The following MTHFS variants were observed in gnomAD, a reference collection of about 807,000 sequenced individuals.
MTHFS encodes 5-formyltetrahydrofolate cyclo-ligase.
MTHFS carries 7 observed loss-of-function variants against 12.7 expected under a neutral mutation model. That is an observed-to-expected ratio of 0.55 (90% confidence interval 0.31 to 1.03). The LOEUF (loss-of-function observed/expected upper bound fraction) is 1.03. Ranked by LOEUF, MTHFS falls within the 50% of genes least tolerant of loss-of-function variation. The pLI, the probability that MTHFS is intolerant of heterozygous loss-of-function variation, is 0.05. For synonymous variants in MTHFS, 100 were observed against 97.1 expected, an observed-to-expected ratio of 1.03 and a Z score of -0.18; for missense variants, 252 against 258.1, an observed-to-expected ratio of 0.98 and a Z score of 0.16.
chr15:79,893,514 C>T (rs1596084784), intron 1 of MTHFS, among the ~76,000 whole-genome samples: 1 of 151,056 alleles, frequency 6.6e-6, no homozygotes. Context: ...CTGGCTAACA[C>T]GGTGAAACCC....
intron 2 of MTHFS, among the ~76,000 whole-genome samples, chr15:79,870,999 T>C (rs2034095421): frequency 6.6e-6 from 1 of 151,934 alleles, no homozygotes; most frequent in Non-Finnish European, 1.5e-5. Context: ...AAAAATTAGC[T>C]GGGCGTGGTG....
At chr15:79,873,155 G>T (rs767190673) in intron 2 of MTHFS, among the ~76,000 whole-genome samples, 2 of 152,048 alleles carry the variant, frequency 1.3e-5, no homozygotes, top group African/African-American at 2.4e-5. Context: ...CCATTGTGAC[G>T]CCTCCTGGTG....
At chr15:79,868,357 T>C (rs1257810017) in intron 2 of MTHFS, among the ~76,000 whole-genome samples, 2 of 152,256 alleles carry the variant, frequency 1.3e-5, no homozygotes, top group East Asian at 3.8e-4. Flanking sequence ...ATCAGGTTTC[T>C]GTGTGGAGCA....
chr15:79,885,151 A>G (rs2034360816), intron 2 of MTHFS, among the ~76,000 whole-genome samples: 2 of 152,212 alleles, frequency 1.3e-5, no homozygotes, highest in South Asian at 2.1e-4. Flanking sequence ...CAGTGAACCA[A>G]TCATAACCCT....
chr15:79,890,673 T>C (rs144262714), intron 1 of MTHFS, among the ~76,000 whole-genome samples: 3 of 152,348 alleles, frequency 2.0e-5, no homozygotes, highest in Admixed American at 1.3e-4. Flanking sequence ...CTTATAAATA[T>C]GACTGGCAGA....
At chr15:79,848,554 A>G (rs1490232380) in intron 2 of MTHFS, among the ~76,000 whole-genome samples, 2 of 152,264 alleles carry the variant, frequency 1.3e-5, no homozygotes, top group Non-Finnish European at 2.9e-5. Context: ...AGAAGCCAAG[A>G]GAATAGTCAG....
At chr15:79,864,415 C>T (rs368793780) in intron 2 of MTHFS, among the ~76,000 whole-genome samples, 70 of 151,748 alleles carry the variant, frequency 4.6e-4, no homozygotes, top group African/African-American at 1.6e-3. Flanking sequence ...TGTGGTGGTA[C>T]GCGCCCATAG....
At chr15:79,891,909 G>A (rs1227905940) in intron 1 of MTHFS, among the ~76,000 whole-genome samples, 3 of 128,794 alleles carry the variant, frequency 2.3e-5, no homozygotes, top group African/African-American at 8.9e-5. Context: ...CAGAGGATGA[G>A]CCAAGATCAT....
At chr15:79,897,110 C>CT, upstream of MTHFS, 1 of 907,080 alleles carries the variant, frequency 1.1e-6, no homozygotes, top group Non-Finnish European at 1.5e-6. Context: ...CTCGGGGAAG[C>CT]GCCCCCACCC....
intron 2 of MTHFS, among the ~76,000 whole-genome samples, chr15:79,867,342 T>C (rs1328833803): frequency 6.6e-6 from 1 of 150,844 alleles, no homozygotes; most frequent in Non-Finnish European, 1.5e-5. Context: ...AAAATCAATA[T>C]GCTCTTTCTA....
chr15:79,884,148 TA>T (rs2034344081), intron 2 of MTHFS, among the ~76,000 whole-genome samples: 1 of 152,218 alleles, frequency 6.6e-6, no homozygotes, highest in South Asian at 2.1e-4. Flanking sequence ...TCTAAGAAGT[TA>T]AGTGATCTTC....
chr15:79,844,826 C>T lies in MTHFS; in HGVS notation c.*384G>A, dbSNP rs146493362. ...CCAAGTCTCCATGTGCCTGCCAGGA[C>T]AGACCAGGTCATGAAAGGCGTAATG... On this transcript the variant is annotated 3_prime_UTR_variant, in exon 3 of 3. Coordinates refer to ENST00000258874, the MANE Select transcript of MTHFS (RefSeq NM_006441.4). 2.0e-3 allele frequency: 467 copies of T among 234,350 alleles called. 5 individuals carry two copies. Among genetic ancestry groups the T allele is most frequent in the African/African-American group, 0.01 (448 of 43,322 alleles). The allele number at this position is 234,350 out of a possible 1,614,324, so 14.5% of individuals were successfully genotyped here. A position where few individuals can be genotyped will look rare whatever the true frequency, so the allele number is the denominator to read the frequency against.
chr15:79,848,787 C>T (rs564549548), intron 2 of MTHFS, among the ~76,000 whole-genome samples: 16 of 152,286 alleles, frequency 1.1e-4, no homozygotes, highest in African/African-American at 3.4e-4. Flanking sequence ...TGATGGTACA[C>T]GTCTCTGTCT....
chr15:79,855,916 A>G (rs1001635085), intron 2 of MTHFS, among the ~76,000 whole-genome samples: 1 of 152,310 alleles, frequency 6.6e-6, no homozygotes, highest in South Asian at 2.1e-4. Context: ...TCAGTCCACT[A>G]TTGATGGGCA....
Position 79,846,332 on chromosome 15 carries a change from C to A in MTHFS, c.380-890G>T, listed in dbSNP as rs79702872. On this transcript the variant is annotated intron_variant, in intron 2 of 2. Transcript: ENST00000258874. ...AACCCAGTAGTCTGCCCTGTAGCCT[C>A]CTTATACTGAGTCTTGGCCTCCTGA... Among the ~76,000 whole-genome samples, 161 of 152,298 alleles carry A rather than the reference C, an allele frequency of 1.1e-3. 3 individuals carry two copies. In the East Asian group the frequency reaches 0.029, roughly 27 times the overall value.
intron 2 of MTHFS, among the ~76,000 whole-genome samples, chr15:79,852,336 A>C (rs1472719657): frequency 6.6e-6 from 1 of 152,234 alleles, no homozygotes; most frequent in Non-Finnish European, 1.5e-5. Flanking sequence ...TGACTGCAGT[A>C]ATAAAATATA....
Position 79,889,270 on chromosome 15 carries a change from T to A in MTHFS, c.202A>T (p.Ile68Phe). The change falls in exon 2 of 3, where the codon ATC (isoleucine) becomes TTC (phenylalanine). Residue 68 changes from isoleucine to phenylalanine, a missense_variant. Physicochemically the swap from Ile to Phe is conservative, Grantham distance 21. Coordinates refer to ENST00000258874, the MANE Select transcript of MTHFS (RefSeq NM_006441.4). ...MQDEIETEEI[I>F]KDIFQRGKIC... The stretch of plus-strand genomic sequence containing the variant: ...TTGCCTCGTTGGAAAATGTCCTTGA[T>A]GATCTCTTCTGTCTCAATTTCATCT... 1 of 1,614,220 alleles carries A rather than the reference T, an allele frequency of 6.2e-7. No individual in the cohort carries two copies. The highest frequency in any genetic ancestry group is 8.5e-7 in the Non-Finnish European group (1 of 1,180,032).
At chr15:79,894,726 C>G (rs2034536712) in intron 1 of MTHFS, among the ~76,000 whole-genome samples, 1 of 152,176 alleles carries the variant, frequency 6.6e-6, no homozygotes, top group South Asian at 2.1e-4. Context: ...TAAGGCTAAA[C>G]ACCATTATAC....
chr15:79,850,538 C>CA (rs2033696712), intron 2 of MTHFS, among the ~76,000 whole-genome samples: 1 of 152,050 alleles, frequency 6.6e-6, no homozygotes, highest in Non-Finnish European at 1.5e-5. Context: ...ATGTTATTTA[C>CA]AAAAACAGGT....
Sources: gnomAD v4.1 joint callset for allele counts (sites outside exome capture counted in the v4.1 genomes callset) on GRCh38, gnomAD v4.1.1 for gene constraint, MANE v1.5 for transcripts, NCBI Gene and HGNC (gene_info 2026-07-23, HGNC 2026-07-21) for gene names.